FCHSD2: variants seen among roughly 807,000 people sequenced by gnomAD.
FCHSD2 encodes F-BAR and double SH3 domains protein 2.
In FCHSD2, 38 loss-of-function variants were observed where a neutral mutation model predicts 108.1. The observed-to-expected ratio is 0.35, with a 90% CI of 0.27 to 0.46. FCHSD2 has a LOEUF of 0.46. Ranked by LOEUF, FCHSD2 falls within the 20% of genes least tolerant of loss-of-function variation. The pLI is 1.00. For missense variants in FCHSD2, 751 were observed against 897.8 expected (o/e 0.84, Z 2.09); for synonymous variants, 279 against 314.7 (o/e 0.89, Z 1.20).
At chr11:73,126,339 T>TTAAAAAA (rs71469449) in intron 2 of FCHSD2, among the ~76,000 whole-genome samples, 1 of 27,658 alleles carries the variant, frequency 3.6e-5, no homozygotes, top group Non-Finnish European at 8.9e-5. Context: ...GATTCCATCT[T>TTAAAAAA]AAAAAAAAAA....
chr11:72,961,932 G>A (rs1255833068), intron 8 of FCHSD2, among the ~76,000 whole-genome samples: 1 of 152,108 alleles, frequency 6.6e-6, no homozygotes, highest in Admixed American at 6.5e-5. Context: ...AGCTCTTGGA[G>A]AAAAGAAGTT....
chr11:72,890,561 G>A (rs1168194556), intron 10 of FCHSD2, among the ~76,000 whole-genome samples: 1 of 152,104 alleles, frequency 6.6e-6, no homozygotes, highest in Non-Finnish European at 1.5e-5. Context: ...GTTTCTTCTA[G>A]CTCTAAAATG....
chr11:73,044,987 T>C (rs934258556), intron 3 of FCHSD2, among the ~76,000 whole-genome samples: 55 of 151,718 alleles, frequency 3.6e-4, no homozygotes, highest in African/African-American at 1.3e-3. Context: ...AGAGAATCAC[T>C]TGAACCTGGG....
intron 8 of FCHSD2, among the ~76,000 whole-genome samples, chr11:72,937,184 G>C (rs1488016452): frequency 1.3e-5 from 2 of 152,128 alleles, no homozygotes; most frequent in African/African-American, 4.8e-5. Context: ...AACTCTTAAG[G>C]CTTTTGGGGA....
intron 2 of FCHSD2, among the ~76,000 whole-genome samples, chr11:73,086,715 C>T (rs750279739): frequency 3.3e-5 from 5 of 152,134 alleles, no homozygotes; most frequent in Non-Finnish European, 7.4e-5. Context: ...GTGAACACTA[C>T]TACTGTTCTA....
intron 3 of FCHSD2, among the ~76,000 whole-genome samples, chr11:73,043,173 G>T (rs1858682584): frequency 1.3e-5 from 2 of 152,182 alleles, no homozygotes; most frequent in Admixed American, 1.3e-4. Context: ...TATTCAGTAT[G>T]ATGTTAGCTG....
chr11:73,140,529 T>C (rs1041397311), intron 1 of FCHSD2, among the ~76,000 whole-genome samples: 1 of 152,150 alleles, frequency 6.6e-6, no homozygotes. Context: ...GCTGGGAGCC[T>C]AAGAGTGCCT....
chr11:73,038,830 CCT>C (rs747418406), intron 3 of FCHSD2, among the ~76,000 whole-genome samples: 15 of 152,032 alleles, frequency 9.9e-5, no homozygotes, highest in South Asian at 2.1e-4. Flanking sequence ...CATGTATTCC[CCT>C]GATTCTAAAA....
chr11:72,948,069 G>A (rs868507388), intron 8 of FCHSD2, among the ~76,000 whole-genome samples: 2 of 152,042 alleles, frequency 1.3e-5, no homozygotes, highest in Middle Eastern at 3.4e-3. Flanking sequence ...GTGCAGTGGT[G>A]CGATCTCGGC....
chr11:72,881,317 A>G (rs1044080504), intron 12 of FCHSD2, among the ~76,000 whole-genome samples: 4 of 152,226 alleles, frequency 2.6e-5, no homozygotes, highest in African/African-American at 9.6e-5. Flanking sequence ...TCAAAACCAG[A>G]TATCAAAACC....
At chr11:72,989,897 G>A (rs1857378081) in intron 5 of FCHSD2, among the ~76,000 whole-genome samples, 1 of 152,088 alleles carries the variant, frequency 6.6e-6, no homozygotes, top group Non-Finnish European at 1.5e-5. Context: ...ACTGGCAAAA[G>A]CTCAGCAAAG....
chr11:72,924,404 A>G (rs1447321855), intron 8 of FCHSD2, among the ~76,000 whole-genome samples: 1 of 149,606 alleles, frequency 6.7e-6, no homozygotes, highest in Non-Finnish European at 1.5e-5. Context: ...CAGCCTCCCG[A>G]GTAGCTGGGA....
chr11:73,026,956 G>A (rs947343120), intron 3 of FCHSD2, among the ~76,000 whole-genome samples: 2 of 152,152 alleles, frequency 1.3e-5, no homozygotes, highest in Non-Finnish European at 2.9e-5. Flanking sequence ...GCAGACCTGT[G>A]AGTCAATTAA....
intron 2 of FCHSD2, among the ~76,000 whole-genome samples, chr11:73,109,856 G>A (rs144550444): frequency 8.7e-4 from 133 of 152,218 alleles, no homozygotes; most frequent in African/African-American, 3.0e-3. Flanking sequence ...CTTTTATTGT[G>A]TTGAGGTATG....
chr11:72,991,405 A>T (rs1045682928), intron 5 of FCHSD2, among the ~76,000 whole-genome samples: 14 of 152,206 alleles, frequency 9.2e-5, no homozygotes, highest in Admixed American at 3.3e-4. Context: ...CAGTGACACA[A>T]CAAAAAAAGA....
At chr11:72,901,535 G>A (rs974902324) in intron 10 of FCHSD2, among the ~76,000 whole-genome samples, 7 of 152,152 alleles carry the variant, frequency 4.6e-5, no homozygotes, top group African/African-American at 1.2e-4. Context: ...GCTTAATGGG[G>A]TCAGGATTTC....
At chr11:72,863,174 T>TCCCA (rs1022362310) in intron 13 of FCHSD2, among the ~76,000 whole-genome samples, 1 of 151,882 alleles carries the variant, frequency 6.6e-6, no homozygotes, top group African/African-American at 2.4e-5. Flanking sequence ...GAAGTGATCC[T>TCCCA]CCCACTCAGC....
In FCHSD2 at chr11:73,096,987, ATTTTTTTTT is replaced by A. The variant is rs60223064; in HGVS notation, c.120-13256_120-13248del. Among the ~76,000 whole-genome samples the A allele has an allele frequency of 2.7e-3, 74 of 27,048 alleles. No homozygotes were observed. The East Asian group carries it at 0.034, about 12-fold the overall frequency. The allele number at this position is 27,048 out of a possible 152,430, so 17.7% of individuals were successfully genotyped here. Reference sequence around the variant, plus strand: ...CTAATGTGATGTATTTCATTGATGGATTTTTTTTTTTTTTTTTTTTTTTTTTTTTGATGA... The same window carrying A: ...CTAATGTGATGTATTTCATTGATGGATTTTTTTTTTTTTTTTTTTTGATGA... On this transcript the variant is annotated intron_variant, in intron 2 of 19. Coordinates refer to ENST00000409418, the MANE Select transcript of FCHSD2 (RefSeq NM_014824.3).
intron 3 of FCHSD2, among the ~76,000 whole-genome samples, chr11:73,017,193 A>G (rs1591485272): frequency 6.6e-6 from 1 of 152,134 alleles, no homozygotes; most frequent in Non-Finnish European, 1.5e-5. Flanking sequence ...CATGTTGCCC[A>G]TGGCTCAACT....
Sources: gnomAD v4.1 joint callset for allele counts (sites outside exome capture counted in the v4.1 genomes callset) on GRCh38, gnomAD v4.1.1 for gene constraint, MANE v1.5 for transcripts, NCBI Gene and HGNC (gene_info 2026-07-23, HGNC 2026-07-21) for gene names.